Variants in IL20RB observed in about 807,000 individuals in gnomAD.
IL20RB encodes the protein interleukin 20 receptor subunit beta.
Under a neutral mutation model 33.3 loss-of-function variants are expected in IL20RB, and 21 were observed. That is an observed-to-expected ratio of 0.63 (90% CI 0.45 to 0.91). The LOEUF is 0.91. Ranked by LOEUF, IL20RB falls within the 40% of genes least tolerant of loss-of-function variation. IL20RB has a pLI of 0.00. For synonymous variants in IL20RB, 147 were observed against 146.8 expected (o/e 1.00, Z -0.01); for missense variants, 345 against 384.8 (o/e 0.90, Z 0.86).
At chr3:136,995,973 CA>C (rs1348061194) in intron 6 of IL20RB, among the ~76,000 whole-genome samples, 1 of 152,170 alleles carries the variant, frequency 6.6e-6, no homozygotes, top group Non-Finnish European at 1.5e-5. Context: ...ATTCACATGC[CA>C]AAAGCCTCAT....
chr3:136,973,287 C>T (rs2108186888), intron 1 of IL20RB, among the ~76,000 whole-genome samples: 1 of 151,040 alleles, frequency 6.6e-6, no homozygotes, highest in South Asian at 2.1e-4. Flanking sequence ...AGAGACCATC[C>T]TGGCTAACAG....
At chr3:136,975,863 G>C (rs1012686886) in intron 1 of IL20RB, among the ~76,000 whole-genome samples, 3 of 152,210 alleles carry the variant, frequency 2.0e-5, no homozygotes, top group African/African-American at 7.2e-5. Context: ...CCAGAATGCT[G>C]ATCATTGGGC....
chr3:137,009,851 T>G (rs1933036860), intron 6 of IL20RB, among the ~76,000 whole-genome samples: 1 of 151,920 alleles, frequency 6.6e-6, no homozygotes, highest in Admixed American at 6.6e-5. Context: ...GAACCAGAAT[T>G]ACATTCTGGG....
chr3:136,993,824 C>A (rs942209183), intron 5 of IL20RB, among the ~76,000 whole-genome samples: 1 of 151,960 alleles, frequency 6.6e-6, no homozygotes, highest in South Asian at 2.1e-4. Flanking sequence ...ACCAGCCTGA[C>A]CATTGTGATG....
intron 1 of IL20RB, among the ~76,000 whole-genome samples, chr3:136,974,397 AT>A (rs985127986): frequency 5.9e-5 from 9 of 152,130 alleles, no homozygotes; most frequent in Non-Finnish European, 1.2e-4. Flanking sequence ...ATGAAGGATG[AT>A]TTTGCCAGAT....
At chr3:136,975,379 G>C (rs1941589751) in intron 1 of IL20RB, among the ~76,000 whole-genome samples, 1 of 151,934 alleles carries the variant, frequency 6.6e-6, no homozygotes, top group South Asian at 2.1e-4. Context: ...TCGCTCTCTT[G>C]CCAGGCTGAA....
At chr3:136,984,076 T>C (rs753342518) in intron 3 of IL20RB, among the ~76,000 whole-genome samples, 5 of 152,188 alleles carry the variant, frequency 3.3e-5, no homozygotes, top group Non-Finnish European at 7.3e-5. Flanking sequence ...TGAGCTTAAG[T>C]GATCCTCTTG....
chr3:136,984,954 G>A (rs917173574), intron 3 of IL20RB, among the ~76,000 whole-genome samples: 8 of 152,184 alleles, frequency 5.3e-5, no homozygotes, highest in African/African-American at 1.9e-4. Context: ...CTAAGAGCAT[G>A]GGGATCCAGC....
chr3:136,989,375 A>G, intron 3 of IL20RB, 66 bp from the exon 4 acceptor site: 1 of 1,592,322 alleles, frequency 6.3e-7, no homozygotes, highest in Non-Finnish European at 8.6e-7. Context: ...TGACCCGGTC[A>G]TTGTGTTCCA....
At chr3:136,995,626 T>C in intron 6 of IL20RB, 70 bp downstream of exon 6, 1 of 1,435,686 alleles carries the variant, frequency 7.0e-7, no homozygotes, top group East Asian at 2.3e-5. Flanking sequence ...TAGCTGGGCA[T>C]GGGCACATGT....
intron 1 of IL20RB, among the ~76,000 whole-genome samples, chr3:136,978,390 T>C (rs1941681235): frequency 6.6e-6 from 1 of 152,128 alleles, no homozygotes; most frequent in African/African-American, 2.4e-5. Flanking sequence ...GGTCTCGAAC[T>C]CCTGACCTCA....
chr3:136,972,558 A>G (rs141947703), intron 1 of IL20RB, among the ~76,000 whole-genome samples: 13 of 151,966 alleles, frequency 8.6e-5, no homozygotes, highest in Admixed American at 7.9e-4. Context: ...GGAATGATCC[A>G]TTTCTTCTAG....
chr3:136,992,198 T>G (rs1490254527), intron 5 of IL20RB, 110 bp downstream of exon 5: 1 of 1,182,162 alleles, frequency 8.5e-7, no homozygotes, highest in African/African-American at 1.5e-5. Flanking sequence ...TTGATTTCAC[T>G]GACCTCCCTC....
intron 6 of IL20RB, among the ~76,000 whole-genome samples, chr3:137,003,254 C>A (rs1013465545): frequency 3.3e-5 from 5 of 152,126 alleles, no homozygotes; most frequent in Non-Finnish European, 7.3e-5. Context: ...GCAATGCGGG[C>A]TCTTTTTTGG....
chr3:137,001,925 C>G (rs900117189), intron 6 of IL20RB, among the ~76,000 whole-genome samples: 15 of 152,054 alleles, frequency 9.9e-5, no homozygotes, highest in African/African-American at 2.9e-4. Flanking sequence ...ATCCCTCCCC[C>G]AAGTCCACCT....
At chr3:137,000,427 A>G (rs1213267337) in intron 6 of IL20RB, among the ~76,000 whole-genome samples, 1 of 152,218 alleles carries the variant, frequency 6.6e-6, no homozygotes, top group African/African-American at 2.4e-5. Context: ...TGGCTTTTCA[A>G]AAACAGTAAG....
At chr3:136,983,280 G>A (rs1447904489) in intron 3 of IL20RB, among the ~76,000 whole-genome samples, 1 of 152,122 alleles carries the variant, frequency 6.6e-6, no homozygotes, top group Non-Finnish European at 1.5e-5. Flanking sequence ...TAGAGACAGG[G>A]TTTCACTATG....
In IL20RB at chr3:136,984,674, T is replaced by C. The variant is rs146183379; in HGVS notation, c.406+2324T>C. Among the ~76,000 whole-genome samples, 1,272 of 151,786 alleles carry C rather than the reference T, an allele frequency of 8.4e-3. 10 individuals carry two copies. Among genetic ancestry groups the C allele is most frequent in the Middle Eastern group, 0.014 (4 of 292 alleles). On this transcript the variant is annotated intron_variant, in intron 3 of 6. Coordinates refer to ENST00000329582, the MANE Select transcript of IL20RB (RefSeq NM_144717.4). ...GAGGAGGGAAGGGATGGGGCAGGAATAGGACCATTGGAATGGGATACCAAA... is the reference window on the plus strand; with the variant it reads ...GAGGAGGGAAGGGATGGGGCAGGAACAGGACCATTGGAATGGGATACCAAA...
chr3:136,958,410 C>A (rs1347273452), intron 1 of IL20RB, among the ~76,000 whole-genome samples: 1 of 152,138 alleles, frequency 6.6e-6, no homozygotes, highest in Non-Finnish European at 1.5e-5. Flanking sequence ...TCTTAATGTC[C>A]ACACAACAAT....
Sources: allele counts gnomAD v4.1 joint callset (sites outside exome capture counted in the v4.1 genomes callset), GRCh38; gene constraint gnomAD v4.1.1; transcripts MANE v1.5; gene names NCBI Gene and HGNC (gene_info 2026-07-23, HGNC 2026-07-21).